The following PARD3B variants were observed in gnomAD, a reference collection of about 807,000 sequenced individuals.
PARD3B encodes the protein par-3 family cell polarity regulator beta.
In PARD3B, 103 loss-of-function variants were observed where a neutral mutation model predicts 130.2. That is an observed-to-expected ratio of 0.79 (90% CI 0.67 to 0.93). The LOEUF is 0.93. Among genes scored for constraint, PARD3B ranks in the 40% least tolerant of loss-of-function variants. The pLI, the probability that PARD3B is intolerant of heterozygous loss-of-function variation, is 0.00. For missense variants in PARD3B, 1,609 were observed against 1,499.2 expected (o/e 1.07, Z -1.21); for synonymous variants, 583 against 553.2 (o/e 1.05, Z -0.76).
chr2:204,699,118 C>G (rs2037758966), intron 2 of PARD3B, among the ~76,000 whole-genome samples: 1 of 151,934 alleles, frequency 6.6e-6, no homozygotes, highest in Non-Finnish European at 1.5e-5. Context: ...TAATGAAGCC[C>G]TTGACCTGAC....
At chr2:204,665,124 C>G (rs561671854) in intron 1 of PARD3B, among the ~76,000 whole-genome samples, 2 of 143,518 alleles carry the variant, frequency 1.4e-5, no homozygotes, top group African/African-American at 5.2e-5. Flanking sequence ...TTTTTTTTGT[C>G]TTTGTTCTTT....
chr2:205,183,083 C>T lies in PARD3B; in HGVS notation c.1925-2681C>T, dbSNP rs561908187. ...AAAAGTGACAGATCCTTGGCAACAG[C>T]GAAGGCTTCATAGTAAAAGTGATAT... is the stretch of plus-strand genomic sequence containing the variant. On this transcript the variant is annotated intron_variant, in intron 13 of 22. Coordinates refer to ENST00000406610, the MANE Select transcript of PARD3B (RefSeq NM_001302769.2). This position sits in a 1 kb window ranked among gnomAD's most constrained non-coding sequence, Gnocchi z 5.2. Among the ~76,000 whole-genome samples the T allele has an allele frequency of 1.3e-4, 20 of 152,196 alleles. No individual in the cohort carries two copies. Among genetic ancestry groups the T allele is most frequent in the South Asian group, 2.1e-4 (1 of 4,822 alleles).
intron 2 of PARD3B, among the ~76,000 whole-genome samples, chr2:204,793,857 A>G (rs1390949419): frequency 6.6e-6 from 1 of 152,126 alleles, no homozygotes; most frequent in Non-Finnish European, 1.5e-5. Context: ...TTTTATCATT[A>G]CACATGTCAA....
chr2:205,567,417 CCA>C (rs1205309244), intron 22 of PARD3B, among the ~76,000 whole-genome samples: 1 of 139,538 alleles, frequency 7.2e-6, no homozygotes, highest in African/African-American at 2.6e-5. Context: ...CAGGTTCACA[CCA>C]TTCTCCTGCC....
At chr2:205,153,787 A>T in intron 10 of PARD3B, among the ~76,000 whole-genome samples, 1 of 152,162 alleles carries the variant, frequency 6.6e-6, no homozygotes, top group Non-Finnish European at 1.5e-5. Context: ...CAAAAACAAG[A>T]AATGGGGAAA....
chr2:205,144,713 G>A (rs2033220698), intron 10 of PARD3B, among the ~76,000 whole-genome samples: 1 of 152,238 alleles, frequency 6.6e-6, no homozygotes, highest in South Asian at 2.1e-4. Flanking sequence ...CATGTACTGT[G>A]AATTTTAAGT....
intron 2 of PARD3B, among the ~76,000 whole-genome samples, chr2:204,762,793 T>G (rs1269048956): frequency 6.7e-6 from 1 of 149,518 alleles, no homozygotes; most frequent in Admixed American, 6.7e-5. Context: ...AGAGTTTCAC[T>G]CTTGTTGCCC....
chr2:205,490,845 G>A (rs1223306698), intron 20 of PARD3B, among the ~76,000 whole-genome samples: 2 of 152,172 alleles, frequency 1.3e-5, no homozygotes, highest in African/African-American at 2.4e-5. Flanking sequence ...TTTTTGATTT[G>A]CATTTCTCTG....
intron 4 of PARD3B, among the ~76,000 whole-genome samples, chr2:205,049,528 C>A (rs1699039080): frequency 6.6e-6 from 1 of 152,104 alleles, no homozygotes; most frequent in African/African-American, 2.4e-5. Context: ...CGGACAGAAA[C>A]CTTAACCATA....
At chr2:204,927,172 T>C (rs1687684177) in intron 2 of PARD3B, among the ~76,000 whole-genome samples, 1 of 152,154 alleles carries the variant, frequency 6.6e-6, no homozygotes, top group African/African-American at 2.4e-5. Flanking sequence ...ATAGGACTAA[T>C]GCAATGGACT....
rs942274805 is a variant in PARD3B at position 205,105,684 on chromosome 2, A to C, written c.593+1170A>C. ...CTAGGCTAGGTGGTGCCTGCCTATC[A>C]TCCCAGCTACTTGAGAGGCTGATAC... On this transcript the variant is annotated intron_variant, in intron 5 of 22. Transcript: ENST00000406610. The surrounding 1 kb of genome is among the most constrained non-coding windows in gnomAD (Gnocchi z 4.0). Among the ~76,000 whole-genome samples the C allele has an allele frequency of 6.6e-6, 1 of 151,962 alleles. No individual in the cohort carries two copies. The highest frequency in any genetic ancestry group is 1.5e-5 in the Non-Finnish European group (1 of 67,974).
At chr2:204,940,687 G>A (rs1688830763) in intron 2 of PARD3B, among the ~76,000 whole-genome samples, 1 of 152,094 alleles carries the variant, frequency 6.6e-6, no homozygotes, top group Admixed American at 6.5e-5. Context: ...CAATTTGAAG[G>A]CTAGCTCTGT....
intron 22 of PARD3B, among the ~76,000 whole-genome samples, chr2:205,553,749 G>A (rs116151197): frequency 0.027 from 4,044 of 152,204 alleles, 174 homozygotes; most frequent in African/African-American, 0.09. Flanking sequence ...TAGGAGTTAC[G>A]CACGAGGAAT....
chr2:205,606,352 G>A (rs1484616162), intron 22 of PARD3B, among the ~76,000 whole-genome samples: 1 of 152,216 alleles, frequency 6.6e-6, no homozygotes, highest in African/African-American at 2.4e-5. Context: ...TTGGCTGGAG[G>A]TGGGAGCTTC....
At chr2:204,684,499 C>T (rs2036985943) in intron 1 of PARD3B, among the ~76,000 whole-genome samples, 1 of 152,128 alleles carries the variant, frequency 6.6e-6, no homozygotes, top group Non-Finnish European at 1.5e-5. Flanking sequence ...TTGCTTGCGG[C>T]ATGGCCATAA....
At chr2:204,730,092 C>CGG (rs2039439999) in intron 2 of PARD3B, among the ~76,000 whole-genome samples, 1 of 150,824 alleles carries the variant, frequency 6.6e-6, no homozygotes, top group South Asian at 2.1e-4. Flanking sequence ...TTTTTTGAGA[C>CGG]GGACAGAGTT....
chr2:204,835,945 A>T (rs1575101170), intron 2 of PARD3B, among the ~76,000 whole-genome samples: 1 of 152,230 alleles, frequency 6.6e-6, no homozygotes, highest in East Asian at 1.9e-4. Context: ...CTTACAGTGG[A>T]TTATCAAGAT....
intron 19 of PARD3B, among the ~76,000 whole-genome samples, chr2:205,428,283 G>A (rs1432429624): frequency 2.0e-5 from 3 of 152,370 alleles, no homozygotes; most frequent in Non-Finnish European, 4.4e-5. Context: ...AGGAGGCTGA[G>A]ATGGGAGGAT....
chr2:205,279,618 T>C (rs2041111861), intron 16 of PARD3B, among the ~76,000 whole-genome samples: 3 of 152,188 alleles, frequency 2.0e-5, no homozygotes, highest in African/African-American at 4.8e-5. Context: ...GAATCGCCTC[T>C]GTGCAATGTG....
Sources: allele counts gnomAD v4.1 joint callset (sites outside exome capture counted in the v4.1 genomes callset), GRCh38; gene constraint gnomAD v4.1.1; non-coding constraint Gnocchi (gnomAD v3.1); transcripts MANE v1.5; gene names NCBI Gene and HGNC (gene_info 2026-07-23, HGNC 2026-07-21).